Variants in IFT74 observed in about 807,000 individuals in gnomAD.
The protein encoded by IFT74 is intraflagellar transport 74.
In IFT74, 92 loss-of-function variants were observed where a neutral mutation model predicts 96.7. The observed-to-expected ratio is 0.95, with a 90% CI of 0.80 to 1.13. IFT74 has a LOEUF of 1.13. Among genes scored for constraint, IFT74 ranks in the 50% most tolerant of loss-of-function variants. The probability of loss-of-function intolerance (pLI) is 0.00; values close to 1 mark genes in which losing one functional copy is unlikely to be tolerated. For missense variants in IFT74, 811 were observed against 698.2 expected (o/e 1.16, Z -1.82); for synonymous variants, 223 against 213.2 (o/e 1.05, Z -0.40).
chr9:26,991,637 G>T (rs962399848), intron 8 of IFT74, among the ~76,000 whole-genome samples: 1 of 151,076 alleles, frequency 6.6e-6, no homozygotes, highest in African/African-American at 2.4e-5. Flanking sequence ...ACTTGAAAAC[G>T]TTCCTTTTTT....
chr9:26,963,418 T>C (rs1826457344), intron 2 of IFT74, among the ~76,000 whole-genome samples: 1 of 150,508 alleles, frequency 6.6e-6, no homozygotes, highest in Admixed American at 6.7e-5. Context: ...GCAATAAACA[T>C]ACGTGTGCAT....
In IFT74 at chr9:26,983,562, C is replaced by T. The variant is rs185857017; in HGVS notation, c.306-695C>T. ...CTCAACACGAGGTGCTAATCACTGA[C>T]CCAAAATGTCATTAGTGCTACTGTT... is the stretch of plus-strand genomic sequence containing the variant. On this transcript the variant is annotated intron_variant, in intron 4 of 19. Coordinates refer to ENST00000380062, the MANE Select transcript of IFT74 (RefSeq NM_025103.4). Among the ~76,000 whole-genome samples, 8 of 152,170 alleles carry T rather than the reference C, an allele frequency of 5.3e-5. No homozygotes were observed. The East Asian group carries it at 1.4e-3, about 26-fold the overall frequency.
chr9:26,963,227 C>A (rs925748160), intron 2 of IFT74, among the ~76,000 whole-genome samples: 14 of 151,476 alleles, frequency 9.2e-5, no homozygotes, highest in African/African-American at 2.7e-4. Flanking sequence ...TTTGTTCTTG[C>A]GGTAGTTTAC....
intron 13 of IFT74, among the ~76,000 whole-genome samples, chr9:27,029,869 T>G (rs1490061787): frequency 6.6e-6 from 1 of 152,188 alleles, no homozygotes; most frequent in Non-Finnish European, 1.5e-5. Context: ...CAGACAGAAT[T>G]AATTCCCCAC....
chr9:27,062,617 G>T lies in IFT74; in HGVS notation c.1685-1G>T, dbSNP rs200699377. The T allele has an allele frequency of 8.9e-5, 137 of 1,540,558 alleles. No individual in the cohort carries two copies. The highest frequency in any genetic ancestry group is 1.2e-4 in the Non-Finnish European group (133 of 1,119,122). Reference sequence around the variant, plus strand: ...TTTTCCCCCTTAACTCATGTAATTAGTCATAGCAACCAAGAGTCAAGAGAG... The same window carrying T: ...TTTTCCCCCTTAACTCATGTAATTATTCATAGCAACCAAGAGTCAAGAGAG... On this transcript the variant is annotated splice_acceptor_variant, in intron 19 of 19. Coordinates refer to ENST00000380062, the MANE Select transcript of IFT74 (RefSeq NM_025103.4). LOFTEE classifies it high-confidence loss of function.
At chr9:27,009,190 G>A (rs753483947) in intron 9 of IFT74, 32 bp downstream of exon 9, 14 of 1,581,226 alleles carry the variant, frequency 8.9e-6, no homozygotes, top group Non-Finnish European at 1.0e-5. Flanking sequence ...TGCCAAGCAT[G>A]TATCATTCTT....
intron 13 of IFT74, among the ~76,000 whole-genome samples, chr9:27,032,500 A>G (rs1272769932): frequency 6.6e-6 from 1 of 152,134 alleles, no homozygotes; most frequent in African/African-American, 2.4e-5. Context: ...TTTGCCTTAA[A>G]TGACCATCCT....
intron 13 of IFT74, among the ~76,000 whole-genome samples, chr9:27,035,453 A>G (rs1437547480): frequency 3.3e-5 from 5 of 152,232 alleles, no homozygotes; most frequent in African/African-American, 2.4e-5. Flanking sequence ...GTGGTATTAC[A>G]TCTACACCAG....
At chr9:27,031,597 ATT>A (rs74178370) in intron 13 of IFT74, among the ~76,000 whole-genome samples, 15 of 129,830 alleles carry the variant, frequency 1.2e-4, no homozygotes, top group African/African-American at 2.6e-4. Flanking sequence ...AACTTTACTC[ATT>A]TTTTTTTTTT....
In IFT74 at chr9:27,025,459, A is replaced by G. The variant is rs79265470; in HGVS notation, c.975-3566A>G. On this transcript the variant is annotated intron_variant, in intron 12 of 19. Coordinates refer to ENST00000380062, the MANE Select transcript of IFT74 (RefSeq NM_025103.4). ...CTCCATCTCCAAAAAAAAAAAAAAA[A>G]AAAAGAAAAGAAAAGAAAGAATGTC... is the stretch of plus-strand genomic sequence containing the variant. Among the ~76,000 whole-genome samples, 1,456 of 145,766 alleles carry G rather than the reference A, an allele frequency of 1.0e-2. 24 individuals carry two copies. Among genetic ancestry groups the G allele is most frequent in the African/African-American group, 0.028 (1,105 of 39,336 alleles).
upstream of IFT74, among the ~76,000 whole-genome samples, chr9:26,951,973 C>A (rs1825949550): frequency 1.3e-5 from 2 of 152,234 alleles, no homozygotes; most frequent in Admixed American, 6.5e-5. Flanking sequence ...CTTGCCAGTA[C>A]TGTGGAACAT....
chr9:26,965,788 A>G (rs1450179023), intron 2 of IFT74, among the ~76,000 whole-genome samples: 1 of 151,908 alleles, frequency 6.6e-6, no homozygotes, highest in Non-Finnish European at 1.5e-5. Flanking sequence ...CCTTCCTCCC[A>G]CTCATCTTTT....
intron 18 of IFT74, among the ~76,000 whole-genome samples, chr9:27,057,589 G>T (rs559345826): frequency 1.0e-3 from 155 of 152,268 alleles, no homozygotes; most frequent in African/African-American, 3.4e-3. Context: ...CAGGCACGGT[G>T]GTTCACGCCT....
intron 13 of IFT74, among the ~76,000 whole-genome samples, chr9:27,041,110 C>T (rs1219457962): frequency 6.6e-6 from 1 of 152,130 alleles, no homozygotes; most frequent in Non-Finnish European, 1.5e-5. Context: ...TTCTTTCCTA[C>T]TTGAGGGATG....
upstream of IFT74, chr9:26,955,873 TCA>T (rs1015861263): frequency 1.7e-4 from 25 of 150,784 alleles, no homozygotes; most frequent in African/African-American, 2.9e-4. Flanking sequence ...TCCATTGAAT[TCA>T]CAGTCTTCCC....
intron 18 of IFT74, among the ~76,000 whole-genome samples, chr9:27,058,543 G>A (rs760248043): frequency 3.9e-5 from 6 of 152,056 alleles, no homozygotes; most frequent in South Asian, 2.1e-4. Flanking sequence ...CAGCCACCAC[G>A]CCTGTCTAAT....
At chr9:26,999,591 C>G (rs561464740) in intron 8 of IFT74, 1 of 1,486,208 alleles carries the variant, frequency 6.7e-7, no homozygotes, top group South Asian at 1.2e-5. Flanking sequence ...AATATTTTTA[C>G]TATTTTGATT....
intron 2 of IFT74, among the ~76,000 whole-genome samples, chr9:26,963,405 G>A (rs1382072185): frequency 6.6e-6 from 1 of 150,654 alleles, no homozygotes; most frequent in Non-Finnish European, 1.5e-5. Context: ...TGTGAATAAT[G>A]CCGCAATAAA....
At chr9:27,044,877 G>A in intron 14 of IFT74, 82 bp downstream of exon 14, 2 of 769,318 alleles carry the variant, frequency 2.6e-6, no homozygotes, top group Non-Finnish European at 4.1e-6. Context: ...CCTCATTTTG[G>A]GCAGATATAA....
Sources: allele counts gnomAD v4.1 joint callset (sites outside exome capture counted in the v4.1 genomes callset), GRCh38; gene constraint gnomAD v4.1.1; transcripts MANE v1.5; gene names NCBI Gene and HGNC (gene_info 2026-07-23, HGNC 2026-07-21).